The following SLC8A1 variants were observed in gnomAD, a reference collection of about 807,000 sequenced individuals.
SLC8A1 encodes the protein sodium/calcium exchanger 1.
A neutral mutation model predicts 68.3 loss-of-function variants in SLC8A1; 18 were observed. The observed-to-expected ratio is 0.26, with a 90% confidence interval of 0.18 to 0.39. The LOEUF (loss-of-function observed/expected upper bound fraction) is 0.39. Ranked by LOEUF, SLC8A1 falls within the 10% of genes least tolerant of loss-of-function variation. The pLI is 1.00. For synonymous variants in SLC8A1, 475 were observed against 415.5 expected, an observed-to-expected ratio of 1.14 and a Z score of -1.74; for missense variants, 985 against 1,156.7, an observed-to-expected ratio of 0.85 and a Z score of 2.15.
Position 40,177,588 on chromosome 2 carries a change from C to T in SLC8A1, c.1912+164G>A, listed in dbSNP as rs904348295. 2.0e-5 allele frequency among the ~76,000 whole-genome samples: 3 copies of T among 152,192 alleles called. No individual in the cohort carries two copies. In the East Asian group the frequency reaches 5.8e-4, roughly 29 times the overall value. On this transcript the variant is annotated intron_variant, in intron 3 of 7. Transcript: ENST00000406785. The stretch of plus-strand genomic sequence containing the variant: ...TGAAGAAAGTGGGCGTTGCCTGTTG[C>T]ACTTGTGAATTAGGGAAGGGAAATG...
intron 2 of SLC8A1, among the ~76,000 whole-genome samples, chr2:40,276,313 A>G (rs2066690515): frequency 6.6e-6 from 1 of 152,174 alleles, no homozygotes; most frequent in Admixed American, 6.5e-5. Context: ...GAGTGTCTTT[A>G]TAAGGGAGGT....
At chr2:40,415,025 GA>G (rs1693372927) in intron 2 of SLC8A1, among the ~76,000 whole-genome samples, 1 of 152,174 alleles carries the variant, frequency 6.6e-6, no homozygotes, top group Non-Finnish European at 1.5e-5. Flanking sequence ...TTGTAAAAGG[GA>G]ATGGACTCGT....
At chr2:40,343,312 T>A (rs1668283378) in intron 2 of SLC8A1, among the ~76,000 whole-genome samples, 1 of 152,156 alleles carries the variant, frequency 6.6e-6, no homozygotes, top group Non-Finnish European at 1.5e-5. Flanking sequence ...CCTATAAACA[T>A]GTCTATGAAC....
intron 2 of SLC8A1, among the ~76,000 whole-genome samples, chr2:40,385,673 G>A (rs1346351199): frequency 6.6e-6 from 1 of 151,314 alleles, no homozygotes; most frequent in Non-Finnish European, 1.5e-5. Flanking sequence ...TCTTTCAAAT[G>A]TCTTTCTGGA....
intron 2 of SLC8A1, chr2:40,178,401 A>G (rs1325532268): frequency 6.2e-7 from 1 of 1,613,764 alleles, no homozygotes; most frequent in Admixed American, 1.7e-5. Context: ...CTTCTCACTC[A>G]TCTCCACCAG....
chr2:40,382,457 A>G (rs554905769), intron 2 of SLC8A1, among the ~76,000 whole-genome samples: 1 of 152,250 alleles, frequency 6.6e-6, no homozygotes, highest in East Asian at 1.9e-4. Context: ...AATTTGATTA[A>G]ATATTATTCA....
chr2:40,378,224 G>A (rs1680564016), intron 2 of SLC8A1, among the ~76,000 whole-genome samples: 1 of 152,134 alleles, frequency 6.6e-6, no homozygotes, highest in South Asian at 2.1e-4. Flanking sequence ...AACAGTATAT[G>A]GAAGGACATG....
intron 2 of SLC8A1, among the ~76,000 whole-genome samples, chr2:40,335,246 C>G (rs1012296091): frequency 6.6e-6 from 1 of 152,114 alleles, no homozygotes; most frequent in Non-Finnish European, 1.5e-5. Context: ...AATGTAAAGA[C>G]AAAGCAAATA....
chr2:40,104,661 T>G (rs1255774281), exon 8 of SLC8A1: 1 of 152,168 alleles, frequency 6.6e-6, no homozygotes, highest in Non-Finnish European at 1.5e-5. Flanking sequence ...TTTCTTAAAT[T>G]ACTCTGTTTT....
intron 2 of SLC8A1, among the ~76,000 whole-genome samples, chr2:40,182,486 A>AAAAAAG (rs1262234370): frequency 1.3e-5 from 2 of 152,004 alleles, no homozygotes; most frequent in Non-Finnish European, 2.9e-5. Context: ...CTATTTCTAA[A>AAAAAAG]AAAAAGAAAA....
At chr2:40,269,218 T>C (rs1221444731) in intron 2 of SLC8A1, among the ~76,000 whole-genome samples, 1 of 152,250 alleles carries the variant, frequency 6.6e-6, no homozygotes, top group Admixed American at 6.5e-5. Flanking sequence ...TGTTAGCTTA[T>C]TTTAACTTTA....
rs867718317 is a variant in SLC8A1, at chr2:40,408,047, A to C, written c.1808+20426T>G. ...ATAAAGTCACAAATATGTTACCCCC[A>C]TAACAAGTTAATAATCTTCCAGCAT... On this transcript the variant is annotated intron_variant, in intron 2 of 7. Coordinates refer to ENST00000406785, the Ensembl canonical transcript of SLC8A1. 2.6e-5 allele frequency among the ~76,000 whole-genome samples: 4 copies of C among 152,320 alleles called. 1 individual carries two copies. The highest frequency in any genetic ancestry group is 6.5e-5 in the Admixed American group (1 of 15,290).
At chr2:40,291,929 G>A (rs111412038) in intron 2 of SLC8A1, among the ~76,000 whole-genome samples, 3,278 of 146,498 alleles carry the variant, frequency 0.022, 48 homozygotes, top group Middle Eastern at 0.036. Context: ...TTAACACCAC[G>A]AGCTCTAAAT....
intron 2 of SLC8A1, among the ~76,000 whole-genome samples, chr2:40,352,664 T>A (rs570054718): frequency 2.3e-4 from 35 of 152,216 alleles, no homozygotes; most frequent in Non-Finnish European, 4.8e-4. Flanking sequence ...GTACTTAGGA[T>A]TTAGCCTCCA....
At chr2:40,150,069 A>AT (rs1279770829) in intron 6 of SLC8A1, among the ~76,000 whole-genome samples, 1 of 151,266 alleles carries the variant, frequency 6.6e-6, no homozygotes, top group South Asian at 2.1e-4. Context: ...AAAAAAAAAA[A>AT]AAGGCAAGGG....
intron 2 of SLC8A1, among the ~76,000 whole-genome samples, chr2:40,228,645 G>C (rs1256192540): frequency 6.6e-6 from 1 of 152,288 alleles, no homozygotes; most frequent in East Asian, 1.9e-4. Context: ...CCATATTCTA[G>C]TCCTCATTAA....
intron 2 of SLC8A1, among the ~76,000 whole-genome samples, chr2:40,412,242 A>C (rs1692369848): frequency 6.6e-6 from 1 of 152,122 alleles, no homozygotes; most frequent in Non-Finnish European, 1.5e-5. Flanking sequence ...TGTCTATAAA[A>C]TGTTATAACC....
chr2:40,392,881 C>T (rs1360122328), intron 2 of SLC8A1, among the ~76,000 whole-genome samples: 2 of 152,084 alleles, frequency 1.3e-5, no homozygotes, highest in African/African-American at 2.4e-5. Context: ...CACTTCACTT[C>T]TTCTTACCCT....
chr2:40,265,693 G>A (rs1344809399), intron 2 of SLC8A1, among the ~76,000 whole-genome samples: 21 of 152,122 alleles, frequency 1.4e-4, no homozygotes, highest in Admixed American at 1.4e-3. Context: ...CAAAAGAGCA[G>A]TAATTCATTT....
Sources: gnomAD v4.1 joint callset for allele counts (sites outside exome capture counted in the v4.1 genomes callset) on GRCh38, gnomAD v4.1.1 for gene constraint, MANE v1.5 for transcripts, NCBI Gene and HGNC (gene_info 2026-07-23, HGNC 2026-07-21) for gene names.